Variants in AGMO observed in about 807,000 individuals in gnomAD.
The protein encoded by AGMO is glyceryl-ether monooxygenase.
A neutral mutation model predicts 60.2 loss-of-function variants in AGMO; 75 were observed. The ratio of observed to expected loss-of-function variants is 1.25; its 90% confidence interval spans 1.03 to 1.51. The LOEUF is 1.51. Ranked by LOEUF, AGMO falls within the 40% of genes most tolerant of loss-of-function variation. The probability of loss-of-function intolerance (pLI) is 0.00; values close to 1 mark genes in which losing one functional copy is unlikely to be tolerated. For synonymous variants in AGMO, 261 were observed against 177.1 expected (o/e 1.47, Z -3.76); for missense variants, 763 against 525.5 (o/e 1.45, Z -4.42).
chr7:15,372,595 T>C (rs1783263744), intron 10 of AGMO, among the ~76,000 whole-genome samples: 1 of 152,134 alleles, frequency 6.6e-6, no homozygotes, highest in Non-Finnish European at 1.5e-5. Flanking sequence ...ACCTTAGTAT[T>C]TGCCCGTAAG....
chr7:15,316,475 G>A (rs1780929621), intron 12 of AGMO, among the ~76,000 whole-genome samples: 1 of 152,130 alleles, frequency 6.6e-6, no homozygotes, highest in Non-Finnish European at 1.5e-5. Context: ...CTCAGTCAAG[G>A]TGATAAACCT....
At chr7:15,526,800 T>A (rs7801625) in intron 3 of AGMO, among the ~76,000 whole-genome samples, 111,482 of 152,086 alleles carry the variant, frequency 0.73, 41,590 homozygotes, top group East Asian at 0.96. Flanking sequence ...TCACCACCAT[T>A]TTTCCAACAG....
intron 3 of AGMO, among the ~76,000 whole-genome samples, chr7:15,499,079 G>A (rs192299154): frequency 6.6e-6 from 1 of 151,776 alleles, no homozygotes; most frequent in African/African-American, 2.4e-5. Context: ...TCCAAGTTAT[G>A]ATTCCTAGAT....
intron 12 of AGMO, among the ~76,000 whole-genome samples, chr7:15,271,394 A>G (rs1451184479): frequency 6.6e-6 from 1 of 152,088 alleles, no homozygotes; most frequent in African/African-American, 2.4e-5. Context: ...TTCTTGGTTA[A>G]ATGTATTCCT....
intron 12 of AGMO, among the ~76,000 whole-genome samples, chr7:15,343,805 CAG>C (rs1781939940): frequency 1.3e-5 from 2 of 152,090 alleles, no homozygotes; most frequent in Non-Finnish European, 2.9e-5. Context: ...GAAAGGGAAG[CAG>C]AGAGATTCAT....
intron 10 of AGMO, among the ~76,000 whole-genome samples, chr7:15,375,243 CT>C (rs1194502828): frequency 6.6e-6 from 1 of 152,036 alleles, no homozygotes; most frequent in Non-Finnish European, 1.5e-5. Context: ...TTTCCTTGCA[CT>C]TTTAATAGGA....
chr7:15,316,991 A>G (rs1216717810), intron 12 of AGMO, among the ~76,000 whole-genome samples: 1 of 152,210 alleles, frequency 6.6e-6, no homozygotes, highest in African/African-American at 2.4e-5. Flanking sequence ...GAACATAAGC[A>G]AAAGGAAATG....
Position 15,478,451 on chromosome 7 carries a change from A to T in AGMO, c.410-47343T>A, listed in dbSNP as rs376082235. Among the ~76,000 whole-genome samples, 3 of 152,114 alleles carry T rather than the reference A, an allele frequency of 2.0e-5. No homozygotes were observed. In the East Asian group the frequency reaches 5.8e-4, roughly 29 times the overall value. ...TAACTGCTTTATCCTTTCCAAACTC[A>T]CTGTGGGTCAGACTGTAAAGTGATC... On this transcript the variant is annotated intron_variant, in intron 3 of 12. Transcript: ENST00000342526.
At chr7:15,357,025 G>A (rs1428253989) in intron 12 of AGMO, among the ~76,000 whole-genome samples, 1 of 151,242 alleles carries the variant, frequency 6.6e-6, no homozygotes, top group African/African-American at 2.4e-5. Flanking sequence ...TCAGGAGGCT[G>A]AGGCAGGAGA....
chr7:15,514,118 A>C (rs1355171068), intron 3 of AGMO, among the ~76,000 whole-genome samples: 1 of 152,066 alleles, frequency 6.6e-6, no homozygotes, highest in Non-Finnish European at 1.5e-5. Context: ...CTTAGATCCA[A>C]CTTCCTCATT....
chr7:15,338,500 T>C (rs1338778878), intron 12 of AGMO, among the ~76,000 whole-genome samples: 3 of 152,216 alleles, frequency 2.0e-5, no homozygotes, highest in Non-Finnish European at 4.4e-5. Flanking sequence ...TTGATAGAAA[T>C]GTACCTTCAT....
At chr7:15,291,430 T>C (rs1448527916) in intron 12 of AGMO, among the ~76,000 whole-genome samples, 1 of 152,212 alleles carries the variant, frequency 6.6e-6, no homozygotes, top group African/African-American at 2.4e-5. Context: ...TTTGCCGGTA[T>C]AGTGTTCTTC....
intron 12 of AGMO, among the ~76,000 whole-genome samples, chr7:15,237,612 T>A (rs1485429956): frequency 6.6e-6 from 1 of 152,048 alleles, no homozygotes; most frequent in Non-Finnish European, 1.5e-5. Flanking sequence ...TATCCTTCTA[T>A]AATAAATCAA....
At chr7:15,521,613 T>A (rs559718936) in intron 3 of AGMO, among the ~76,000 whole-genome samples, 1 of 152,146 alleles carries the variant, frequency 6.6e-6, no homozygotes, top group South Asian at 2.1e-4. Flanking sequence ...ATTATCTCAA[T>A]AGATGCAGAA....
chr7:15,178,065 T>C, the AGMO span, among the ~76,000 whole-genome samples: 1 of 152,142 alleles, frequency 6.6e-6, no homozygotes, highest in African/African-American at 2.4e-5. Flanking sequence ...GCAGAACTCC[T>C]TCCTGGTTCA....
chr7:15,495,831 TCTCTCTCTCTC>T (rs781346786), intron 3 of AGMO, among the ~76,000 whole-genome samples: 2,965 of 146,470 alleles, frequency 0.02, 96 homozygotes, highest in African/African-American at 0.068. Context: ...TCTCTCTCTC[TCTCTCTCTCTC>T]CTCTCTCTCT....
intron 12 of AGMO, among the ~76,000 whole-genome samples, chr7:15,246,096 C>G (rs1037206927): frequency 4.6e-5 from 7 of 152,162 alleles, no homozygotes; most frequent in African/African-American, 1.7e-4. Context: ...CACAAACTCT[C>G]TTTTACTAAA....
chr7:15,372,921 A>C (rs1783276987), intron 10 of AGMO, among the ~76,000 whole-genome samples: 1 of 152,174 alleles, frequency 6.6e-6, no homozygotes, highest in Non-Finnish European at 1.5e-5. Flanking sequence ...GATCATAACC[A>C]TAAATAGCTT....
chr7:15,304,586 A>G (rs1446785170), intron 12 of AGMO, among the ~76,000 whole-genome samples: 1 of 152,126 alleles, frequency 6.6e-6, no homozygotes, highest in African/African-American at 2.4e-5. Context: ...TGTAATAAAA[A>G]TCTTATTTAT....
Sources: gnomAD v4.1 joint callset for allele counts (sites outside exome capture counted in the v4.1 genomes callset) on GRCh38, gnomAD v4.1.1 for gene constraint, MANE v1.5 for transcripts, NCBI Gene and HGNC (gene_info 2026-07-23, HGNC 2026-07-21) for gene names.